Variants in VDAC1 observed in about 807,000 individuals in gnomAD.
VDAC1 encodes the protein non-selective voltage-gated ion channel VDAC1.
VDAC1 carries 10 observed loss-of-function variants against 34.7 expected under a neutral mutation model. The observed-to-expected ratio is 0.29, with a 90% CI of 0.18 to 0.49. VDAC1 has a LOEUF of 0.49. Among genes scored for constraint, VDAC1 ranks in the 20% least tolerant of loss-of-function variants. The pLI is 0.99. For synonymous variants in VDAC1, 130 were observed against 136.0 expected, an observed-to-expected ratio of 0.96 and a Z score of 0.30; for missense variants, 230 against 347.9, an observed-to-expected ratio of 0.66 and a Z score of 2.69.
At chr5:133,997,707 C>CA (rs67591375) in intron 1 of VDAC1, among the ~76,000 whole-genome samples, 19,209 of 58,576 alleles carry the variant, frequency 0.33, 3,088 homozygotes, top group Admixed American at 0.4. Context: ...GACTGTCTCA[C>CA]AAAAAAAAAA....
At chr5:134,032,562 A>G in the VDAC1 span, among the ~76,000 whole-genome samples, 1 of 152,218 alleles carries the variant, frequency 6.6e-6, no homozygotes, top group Non-Finnish European at 1.5e-5. Context: ...CTAAATGTCC[A>G]TGCATGGAAG....
chr5:134,065,789 A>ATT, the VDAC1 span, among the ~76,000 whole-genome samples: 44,591 of 100,072 alleles, frequency 0.45, 10,234 homozygotes, highest in African/African-American at 0.49. Flanking sequence ...CAGATAGTAA[A>ATT]TTTTTTTTTT....
chr5:134,000,971 C>T (rs915330249), intron 1 of VDAC1, among the ~76,000 whole-genome samples: 3 of 152,136 alleles, frequency 2.0e-5, no homozygotes, highest in Admixed American at 2.0e-4. Flanking sequence ...CCAGGGAAAA[C>T]GGACCCTTAT....
intron 1 of VDAC1, among the ~76,000 whole-genome samples, chr5:133,996,125 G>T (rs1199040282): frequency 1.3e-5 from 2 of 152,212 alleles, no homozygotes; most frequent in Non-Finnish European, 2.9e-5. Flanking sequence ...GGCGTCCTGG[G>T]GGAGTCAGAA....
the VDAC1 span, among the ~76,000 whole-genome samples, chr5:134,064,635 G>A: frequency 5.3e-3 from 803 of 152,074 alleles, 12 homozygotes; most frequent in African/African-American, 0.018. Context: ...ATGTTTTGGG[G>A]GTGATTTGTT....
chr5:134,029,786 A>C, the VDAC1 span, among the ~76,000 whole-genome samples: 6 of 152,182 alleles, frequency 3.9e-5, no homozygotes, highest in East Asian at 1.2e-3. Flanking sequence ...GGGAGTGACT[A>C]TAAAAGGATA....
chr5:134,049,028 T>C, the VDAC1 span, among the ~76,000 whole-genome samples: 2 of 152,210 alleles, frequency 1.3e-5, no homozygotes, highest in Non-Finnish European at 2.9e-5. Flanking sequence ...TTATCTCACA[T>C]GATGCAGTAA....
chr5:134,108,518 T>C, the VDAC1 span, among the ~76,000 whole-genome samples: 1 of 152,096 alleles, frequency 6.6e-6, no homozygotes, highest in South Asian at 2.1e-4. Flanking sequence ...CTACTACCCC[T>C]GTTGTCCTGG....
the VDAC1 span, among the ~76,000 whole-genome samples, chr5:134,065,829 T>G: frequency 7.0e-6 from 1 of 143,640 alleles, no homozygotes. Context: ...GGTTTCACTC[T>G]TTTGCCCAGG....
At chr5:134,048,909 G>A in the VDAC1 span, among the ~76,000 whole-genome samples, 17 of 152,312 alleles carry the variant, frequency 1.1e-4, no homozygotes, top group South Asian at 1.5e-3. Flanking sequence ...AATATTTGCT[G>A]AGTGAATGAA....
chr5:133,981,075 GCTC>G, intron 5 of VDAC1, 119 bp from the exon 6 acceptor site: 1 of 798,120 alleles, frequency 1.3e-6, no homozygotes, highest in South Asian at 1.8e-5. Context: ...TGAAGTCAGG[GCTC>G]CAGTTCTCCC....
chr5:134,012,014 A>C, the VDAC1 span, among the ~76,000 whole-genome samples: 1 of 152,226 alleles, frequency 6.6e-6, no homozygotes, highest in South Asian at 2.1e-4. Context: ...AGAGCAGGGC[A>C]GGGGTGGGGA....
the VDAC1 span, among the ~76,000 whole-genome samples, chr5:134,112,464 C>T: frequency 1.3e-5 from 2 of 152,182 alleles, no homozygotes; most frequent in African/African-American, 4.8e-5. Flanking sequence ...CCTTCTCTCC[C>T]TCACGCCTCC....
At chr5:134,003,624 A>G (rs1753644467) in intron 1 of VDAC1, among the ~76,000 whole-genome samples, 1 of 149,888 alleles carries the variant, frequency 6.7e-6, no homozygotes, top group East Asian at 1.9e-4. Flanking sequence ...CGCCACGTGT[A>G]GCAAAATGGT....
the VDAC1 span, among the ~76,000 whole-genome samples, chr5:134,091,311 C>T: frequency 6.6e-6 from 1 of 152,160 alleles, no homozygotes; most frequent in Non-Finnish European, 1.5e-5. Context: ...TGAAGGTTAC[C>T]ACTATTCCAA....
chr5:134,024,505 G>A, the VDAC1 span, among the ~76,000 whole-genome samples: 10 of 149,952 alleles, frequency 6.7e-5, no homozygotes, highest in African/African-American at 2.5e-4. Context: ...CTCCAGCCTG[G>A]GCGAGAGAGT....
At chr5:134,002,576 C>T (rs561781051) in intron 1 of VDAC1, among the ~76,000 whole-genome samples, 24 of 152,326 alleles carry the variant, frequency 1.6e-4, no homozygotes, top group Admixed American at 1.4e-3. Flanking sequence ...GCACTTATTT[C>T]AAGAGACTAT....
the VDAC1 span, among the ~76,000 whole-genome samples, chr5:134,110,431 A>C: frequency 1.3e-5 from 2 of 152,256 alleles, no homozygotes. Context: ...GCATCCCAGC[A>C]ATTGTGTGTG....
the VDAC1 span, among the ~76,000 whole-genome samples, chr5:134,063,391 C>G: frequency 1.3e-5 from 2 of 152,198 alleles, no homozygotes; most frequent in Admixed American, 1.3e-4. Flanking sequence ...TCCCTACCCC[C>G]ATCCCTGTCT....
Sources: allele counts gnomAD v4.1 joint callset (sites outside exome capture counted in the v4.1 genomes callset), GRCh38; gene constraint gnomAD v4.1.1; transcripts MANE v1.5; gene names NCBI Gene and HGNC (gene_info 2026-07-23, HGNC 2026-07-21).